PTH1R: variants seen among roughly 807,000 people sequenced by gnomAD.
PTH1R encodes the protein parathyroid hormone/parathyroid hormone-related peptide receptor.
PTH1R carries 32 observed loss-of-function variants against 70.7 expected under a neutral mutation model. The ratio of observed to expected loss-of-function variants is 0.45; its 90% CI spans 0.34 to 0.61. The LOEUF (loss-of-function observed/expected upper bound fraction) is 0.61, where lower values mean the gene tolerates loss of function less well. Ranked by LOEUF, PTH1R falls within the 20% of genes least tolerant of loss-of-function variation. PTH1R has a pLI of 0.01. For synonymous variants in PTH1R, 329 were observed against 324.8 expected, an observed-to-expected ratio of 1.01 and a Z score of -0.14; for missense variants, 626 against 792.5, an observed-to-expected ratio of 0.79 and a Z score of 2.52.
At chr3:46,900,700 G>A (rs746975694) in intron 10 of PTH1R, among the ~76,000 whole-genome samples, 33 of 152,144 alleles carry the variant, frequency 2.2e-4, no homozygotes, top group Non-Finnish European at 4.0e-4. Context: ...CCAAAGCAGT[G>A]CCCTCTGCAG....
At chr3:46,888,900 C>T (rs1235151186) in intron 3 of PTH1R, among the ~76,000 whole-genome samples, 6 of 152,176 alleles carry the variant, frequency 3.9e-5, no homozygotes, top group African/African-American at 1.2e-4. Flanking sequence ...AGTGCCTCTT[C>T]CCCCCCAGCC....
At chr3:46,898,574 T>A (rs1434408875) in intron 8 of PTH1R, 88 bp from the exon 9 acceptor site, 2 of 1,598,550 alleles carry the variant, frequency 1.3e-6, no homozygotes, top group African/African-American at 2.7e-5. Flanking sequence ...CCGGCGGGTG[T>A]CCCTACCTAC....
At chr3:46,889,556 G>C (rs2031268040) in intron 3 of PTH1R, among the ~76,000 whole-genome samples, 1 of 152,146 alleles carries the variant, frequency 6.6e-6, no homozygotes, top group Non-Finnish European at 1.5e-5. Flanking sequence ...GTCCCTGTCT[G>C]TAAAATGGGG....
intron 9 of PTH1R, 81 bp downstream of exon 9, chr3:46,898,938 C>A: frequency 1.9e-6 from 2 of 1,041,002 alleles, no homozygotes; most frequent in Non-Finnish European, 1.3e-6. Flanking sequence ...CAGCCCGGCC[C>A]TCGCCCTGCC....
Position 46,892,691 on chromosome 3 carries a change from C to A in PTH1R, c.76-1216C>A. 1 of 979,412 alleles carries A rather than the reference C, an allele frequency of 1.0e-6. No individual in the cohort carries two copies. The highest frequency in any genetic ancestry group is 1.2e-6 in the Non-Finnish European group (1 of 823,954). The allele number at this position is 979,412 out of a possible 1,614,324, so 60.7% of individuals were successfully genotyped here. On this transcript the variant is annotated intron_variant, in intron 3 of 15. Coordinates refer to ENST00000449590, the MANE Select transcript of PTH1R (RefSeq NM_000316.3). The surrounding 1 kb of genome is among the most constrained non-coding windows in gnomAD (Gnocchi z 5.2). ...CCCATGCCCGACCCGCCTTCTTCCT[C>A]CCCTGCCTCCTCTGGGTCCTCCCGC...
chr3:46,902,523 C>T lies in PTH1R; in HGVS notation c.1212-3C>T. The stretch of plus-strand genomic sequence containing the variant: ...CCCTGACCTACCTGCCCCGCTGGCC[C>T]AGGAAGCTGCTCAAATCCACGCTGG... On this transcript the variant is annotated splice_polypyrimidine_tract_variant and splice_region_variant and intron_variant, in intron 13 of 15. Coordinates refer to ENST00000449590, the MANE Select transcript of PTH1R (RefSeq NM_000316.3). This position sits in a 1 kb window ranked among gnomAD's most constrained non-coding sequence, Gnocchi z 5.4. 1 of 1,610,640 alleles carries T rather than the reference C, an allele frequency of 6.2e-7. No individual in the cohort carries two copies. The highest frequency in any genetic ancestry group is 1.7e-5 in the Admixed American group (1 of 59,712).
chr3:46,881,509 C>T (rs1470160015), intron 2 of PTH1R, among the ~76,000 whole-genome samples: 1 of 152,166 alleles, frequency 6.6e-6, no homozygotes, highest in African/African-American at 2.4e-5. Context: ...GGTCTGGCAG[C>T]CTCGAGCCTC....
intron 4 of PTH1R, among the ~76,000 whole-genome samples, chr3:46,894,617 C>T (rs1450320043): frequency 2.0e-5 from 3 of 152,094 alleles, no homozygotes; most frequent in Non-Finnish European, 4.4e-5. Flanking sequence ...CCTCATCATC[C>T]ACCATGGAGC....
chr3:46,883,623 G>A lies in PTH1R; in HGVS notation c.64G>A (p.Ala22Thr), dbSNP rs1420036600. The change falls in exon 3 of 16, where the codon GCG (alanine) becomes ACG (threonine). Residue 22 changes from alanine (A) to threonine (T), a missense_variant. Ala to Thr is a moderately conservative substitution (Grantham distance 58). This residue lies in a region of PTH1R where 123 missense variants were observed against 125.7 expected (regional missense o/e 0.98). Transcript: ENST00000449590. This position sits in a 1 kb window ranked among gnomAD's most constrained non-coding sequence, Gnocchi z 6.4. ...LLLCCPVLSS[A>T]YALVDADDVM... ...GCTCTGCTGCCCCGTGCTCAGCTCC[G>A]CGTACGCGCTGGTGAGTCCCCCGCC... is the stretch of plus-strand genomic sequence containing the variant. 2 of 1,545,066 alleles carry A rather than the reference G, an allele frequency of 1.3e-6. No homozygotes were observed. The highest frequency in any genetic ancestry group is 2.0e-5 in the Admixed American group (1 of 50,990).
chr3:46,885,703 G>C (rs999754973), intron 3 of PTH1R, among the ~76,000 whole-genome samples: 1 of 152,126 alleles, frequency 6.6e-6, no homozygotes, highest in African/African-American at 2.4e-5. Context: ...CCCTGGCTTC[G>C]GGGCCAGAAG....
At chr3:46,897,567 A>C (rs1486963630) in intron 5 of PTH1R, among the ~76,000 whole-genome samples, 3 of 152,094 alleles carry the variant, frequency 2.0e-5, no homozygotes, top group African/African-American at 4.8e-5. Context: ...CCCCATCTCT[A>C]CTAAAAATAC....
At chr3:46,895,169 C>T (rs540841302) in intron 4 of PTH1R, among the ~76,000 whole-genome samples, 1 of 152,012 alleles carries the variant, frequency 6.6e-6, no homozygotes, top group Admixed American at 6.5e-5. Context: ...TCTCAACGGC[C>T]ACTGTGGAAG....
rs1447012012 is a variant in PTH1R, at chr3:46,892,363, C to T, written c.76-1544C>T. On this transcript the variant is annotated intron_variant, in intron 3 of 15. Coordinates refer to ENST00000449590, the MANE Select transcript of PTH1R (RefSeq NM_000316.3). The surrounding 1 kb of genome is among the most constrained non-coding windows in gnomAD (Gnocchi z 5.2). Reference sequence around the variant, plus strand: ...ATGTGCACGTGCATGCTCACAAACACGTCCGGCTCGCGTCCCATACTGACA... The same window carrying T: ...ATGTGCACGTGCATGCTCACAAACATGTCCGGCTCGCGTCCCATACTGACA... 6.6e-6 allele frequency among the ~76,000 whole-genome samples: 1 copy of T among 152,246 alleles called. No individual in the cohort carries two copies. Among genetic ancestry groups the T allele is most frequent in the Non-Finnish European group, 1.5e-5 (1 of 68,040 alleles).
Position 46,901,902 on chromosome 3 carries a change from C to T in PTH1R, c.1211+42C>T. On this transcript the variant is annotated intron_variant, in intron 13 of 15. Coordinates refer to ENST00000449590, the MANE Select transcript of PTH1R (RefSeq NM_000316.3). This position sits in a 1 kb window ranked among gnomAD's most constrained non-coding sequence, Gnocchi z 7.3. Reference sequence around the variant, plus strand: ...TGCCATGCCCTGGCTCCTCAGGGGTCCCTGAGTCCTGGTACCATGTACCCC... The same window carrying T: ...TGCCATGCCCTGGCTCCTCAGGGGTTCCTGAGTCCTGGTACCATGTACCCC... 6.5e-7 allele frequency: 1 copy of T among 1,539,834 alleles called. No individual in the cohort carries two copies. Among genetic ancestry groups the T allele is most frequent in the Non-Finnish European group, 9.0e-7 (1 of 1,113,094 alleles).
chr3:46,898,099 C>A lies in PTH1R; in HGVS notation c.450C>A (p.Arg150=). ...GCCATGCCTACCGACGCTGTGACCG[C>A]AATGGCAGCTGGGAGCTGGTGCCTG... The part of the protein sequence containing the change: ...HKGHAYRRCD[R]NGSWELVPGH... Residue 150 remains arginine (R), a synonymous_variant, in exon 7 of 16, where the codon CGC becomes CGA. Transcript: ENST00000449590. The A allele has an allele frequency of 6.2e-7, 1 of 1,614,220 alleles. No homozygotes were observed. The highest frequency in any genetic ancestry group is 1.1e-5 in the South Asian group (1 of 91,084).
Position 46,902,745 on chromosome 3 carries a change from A to G in PTH1R, c.1354-4A>G, listed in dbSNP as rs2032204472. 6.2e-7 allele frequency: 1 copy of G among 1,613,840 alleles called. No individual in the cohort carries two copies. Among genetic ancestry groups the G allele is most frequent in the Non-Finnish European group, 8.5e-7 (1 of 1,179,998 alleles). ...GGCCTGATTCGAGACACCCCTCTTC[A>G]CAGGGATTTTTTGTCGCAATCATAT... On this transcript the variant is annotated splice_region_variant and splice_polypyrimidine_tract_variant and intron_variant, in intron 14 of 15. Coordinates refer to ENST00000449590, the MANE Select transcript of PTH1R (RefSeq NM_000316.3). The surrounding 1 kb of genome is among the most constrained non-coding windows in gnomAD (Gnocchi z 5.4).
Position 46,898,479 on chromosome 3 carries a change from G to T in PTH1R, c.638+7G>T, listed in dbSNP as rs886058584. The T allele has an allele frequency of 1.2e-6, 2 of 1,613,146 alleles. No individual in the cohort carries two copies. The highest frequency in any genetic ancestry group is 2.2e-5 in the South Asian group (2 of 91,070). The stretch of plus-strand genomic sequence containing the variant: ...TCATCCTGGCCTACTTTAGGTGGGC[G>T]GGGCGGGGCGAGAGGCGGCGGGACA... On this transcript the variant is annotated splice_region_variant and intron_variant, in intron 8 of 15. Coordinates refer to ENST00000449590, the MANE Select transcript of PTH1R (RefSeq NM_000316.3).
chr3:46,895,076 AAAAAAAACAAACAAAC>A (rs1373718765), intron 4 of PTH1R, among the ~76,000 whole-genome samples: 16 of 102,126 alleles, frequency 1.6e-4, no homozygotes, highest in Non-Finnish European at 1.7e-4. Context: ...AAAAAAAAAC[AAAAAAAACAAACAAAC>A]AAAAAAAAAA....
intron 3 of PTH1R, among the ~76,000 whole-genome samples, chr3:46,886,538 T>C (rs2031042063): frequency 1.3e-5 from 2 of 152,244 alleles, no homozygotes; most frequent in South Asian, 4.1e-4. Flanking sequence ...TTTGTATTTT[T>C]AGTAGAGATG....
Sources: allele counts gnomAD v4.1 joint callset (sites outside exome capture counted in the v4.1 genomes callset), GRCh38; gene constraint gnomAD v4.1.1; regional missense constraint gnomAD v4.1.1; non-coding constraint Gnocchi (gnomAD v3.1); transcripts MANE v1.5; gene names NCBI Gene and HGNC (gene_info 2026-07-23, HGNC 2026-07-21).